The following HECW2 variants were observed in gnomAD, a reference collection of about 807,000 sequenced individuals.
HECW2 encodes the protein E3 ubiquitin-protein ligase HECW2.
In HECW2, 61 loss-of-function variants were observed where a neutral mutation model predicts 175.2. The ratio of observed to expected loss-of-function variants is 0.35; its 90% confidence interval spans 0.28 to 0.43. The LOEUF (loss-of-function observed/expected upper bound fraction) is 0.43. HECW2 is among the 20% of genes least tolerant of loss of function. HECW2 has a pLI of 1.00. For synonymous variants in HECW2, 671 were observed against 731.0 expected (o/e 0.92, Z 1.32); for missense variants, 1,524 against 2,000.5 (o/e 0.76, Z 4.54).
chr2:196,355,760 G>C (rs754337814), intron 2 of HECW2, among the ~76,000 whole-genome samples: 1 of 152,054 alleles, frequency 6.6e-6, no homozygotes. Context: ...TGTCCTGGTG[G>C]AGATTTTGGT....
intron 1 of HECW2, among the ~76,000 whole-genome samples, chr2:196,564,867 A>G (rs1276905993): frequency 6.6e-6 from 1 of 152,094 alleles, no homozygotes; most frequent in East Asian, 1.9e-4. Context: ...GAAAAATAAA[A>G]TAGCATATCA....
chr2:196,230,261 C>T (rs960462057), intron 21 of HECW2, among the ~76,000 whole-genome samples: 5 of 152,182 alleles, frequency 3.3e-5, no homozygotes, highest in Non-Finnish European at 5.9e-5. Context: ...GCAGCCTTTG[C>T]GGCTTCCTCC....
At chr2:196,512,644 C>T (rs1687994880) in intron 1 of HECW2, among the ~76,000 whole-genome samples, 1 of 151,810 alleles carries the variant, frequency 6.6e-6, no homozygotes, top group African/African-American at 2.4e-5. Flanking sequence ...ACCGCAACCT[C>T]TCAAAGTGTT....
rs542693631 is a variant in HECW2, at chr2:196,319,115, C to T, written c.1775G>A (p.Arg592Gln). The T allele has an allele frequency of 3.6e-5, 58 of 1,593,802 alleles. No individual in the cohort carries two copies. The highest frequency in any genetic ancestry group is 3.3e-4 in the South Asian group (29 of 87,344). ...TGTSDASGGS[R>Q]RAVSETESLD... ...AGACTCGGTCTCACTGACGGCTCTT[C>T]GGCTTCCTCCTGATGCATCGGAAGT... Residue 592 changes from arginine (R) to glutamine (Q), a missense_variant, in exon 9 of 29, where the codon CGA becomes CAA. This residue lies in a region of HECW2 where 604 missense variants were observed against 588.3 expected (regional missense o/e 1.03). Transcript: ENST00000644978.
chr2:196,419,200 A>G (rs1027699545), intron 2 of HECW2, among the ~76,000 whole-genome samples: 18 of 152,316 alleles, frequency 1.2e-4, no homozygotes, highest in African/African-American at 3.4e-4. Flanking sequence ...CAGCGATATT[A>G]TAAAATACCT....
At chr2:196,278,750 C>A in intron 14 of HECW2, 88 bp from the exon 15 acceptor site, 1 of 1,410,998 alleles carries the variant, frequency 7.1e-7, no homozygotes. Flanking sequence ...AGACTCACTT[C>A]TGAGTCACAA....
In HECW2 at chr2:196,240,333, G is replaced by T. The variant is rs1688399941; in HGVS notation, c.3764+116C>A. The T allele has an allele frequency of 3.0e-5, 20 of 669,482 alleles. No homozygotes were observed. In the East Asian group the frequency reaches 4.7e-4, roughly 16 times the overall value. 41.5% of individuals were successfully genotyped at this position (669,482 alleles called of 1,614,324 possible). On this transcript the variant is annotated intron_variant, in intron 21 of 28. Transcript: ENST00000644978. ...AAAGCCCAAAGGTTTAAGTGTATGA[G>T]AACAGCACTTCCTGGCAGAAGGATT...
chr2:196,425,786 C>T (rs1023816883), intron 2 of HECW2, among the ~76,000 whole-genome samples: 1 of 151,910 alleles, frequency 6.6e-6, no homozygotes, highest in African/African-American at 2.4e-5. Context: ...GTTAAAATTA[C>T]AACAACAAAA....
intron 2 of HECW2, among the ~76,000 whole-genome samples, chr2:196,356,835 T>C (rs578079003): frequency 6.6e-6 from 1 of 152,328 alleles, no homozygotes; most frequent in African/African-American, 2.4e-5. Context: ...CATAGGTATA[T>C]ATGTATAGGG....
intron 21 of HECW2, among the ~76,000 whole-genome samples, chr2:196,232,486 G>C (rs1193353136): frequency 6.6e-6 from 1 of 152,154 alleles, no homozygotes; most frequent in Admixed American, 6.5e-5. Flanking sequence ...GGAGCTCTTT[G>C]ATGCTTTCTA....
chr2:196,273,665 G>C (rs1689832442), intron 16 of HECW2, among the ~76,000 whole-genome samples: 1 of 151,954 alleles, frequency 6.6e-6, no homozygotes, highest in South Asian at 2.1e-4. Flanking sequence ...TTCTGTCTTG[G>C]CCTTAAATAT....
rs1686615848 is a variant in HECW2 at position 196,194,110 on chromosome 2, TTTAACA to T, written c.*7161_*7166del. On this transcript the variant is annotated 3_prime_UTR_variant, in exon 29 of 29. Coordinates refer to ENST00000644978, the MANE Select transcript of HECW2 (RefSeq NM_001348768.2). ...TATGATTTGTATTATAATTCATTCC[TTTAACA>T]TTAACAGCCCATCAAACAGTAAAAT... 6.6e-6 allele frequency: 1 copy of T among 152,134 alleles called. No individual in the cohort carries two copies. The highest frequency in any genetic ancestry group is 2.4e-5 in the African/African-American group (1 of 41,428). 9.4% of individuals were successfully genotyped at this position (152,134 alleles called of 1,614,324 possible).
chr2:196,213,661 C>T (rs974562775), intron 28 of HECW2, among the ~76,000 whole-genome samples: 2 of 152,150 alleles, frequency 1.3e-5, no homozygotes, highest in African/African-American at 4.8e-5. Flanking sequence ...AAACTTAGGT[C>T]ATAGTGAAGA....
chr2:196,526,750 G>T (rs889557805), intron 1 of HECW2, among the ~76,000 whole-genome samples: 1 of 152,036 alleles, frequency 6.6e-6, no homozygotes, highest in Non-Finnish European at 1.5e-5. Context: ...TGAGGTGTCA[G>T]TGTGCCCCTG....
intron 1 of HECW2, among the ~76,000 whole-genome samples, chr2:196,578,536 A>G (rs1247774621): frequency 6.6e-6 from 1 of 152,228 alleles, no homozygotes; most frequent in Non-Finnish European, 1.5e-5. Flanking sequence ...AACAGGATAA[A>G]CTAAAAAAGA....
chr2:196,498,371 G>A (rs140685112), intron 1 of HECW2, among the ~76,000 whole-genome samples: 2 of 151,944 alleles, frequency 1.3e-5, no homozygotes, highest in African/African-American at 4.8e-5. Flanking sequence ...TAGCCTAAAG[G>A]TCCCTTTTTT....
At chr2:196,251,725 A>G (rs1688860889) in intron 19 of HECW2, among the ~76,000 whole-genome samples, 1 of 151,996 alleles carries the variant, frequency 6.6e-6, no homozygotes, top group Non-Finnish European at 1.5e-5. Flanking sequence ...CCCCATCTCC[A>G]CTGCCTAGTC....
chr2:196,502,048 TTGGAC>T (rs1553526851), intron 1 of HECW2, among the ~76,000 whole-genome samples: 1 of 152,252 alleles, frequency 6.6e-6, no homozygotes, highest in Non-Finnish European at 1.5e-5. Flanking sequence ...GTATGAAAAC[TTGGAC>T]TTTCCCTGAA....
At chr2:196,234,469 A>T (rs922025963) in intron 21 of HECW2, among the ~76,000 whole-genome samples, 2 of 151,802 alleles carry the variant, frequency 1.3e-5, no homozygotes, top group Non-Finnish European at 2.9e-5. Flanking sequence ...TTATTTATTT[A>T]TTTTTTATAG....
Sources: allele counts gnomAD v4.1 joint callset (sites outside exome capture counted in the v4.1 genomes callset), GRCh38; gene constraint gnomAD v4.1.1; regional missense constraint gnomAD v4.1.1; transcripts MANE v1.5; gene names NCBI Gene and HGNC (gene_info 2026-07-23, HGNC 2026-07-21).